ELMOD1: variants seen among roughly 807,000 people sequenced by gnomAD.
ELMOD1 encodes the protein ELMO domain containing 1.
A neutral mutation model predicts 46.7 loss-of-function variants in ELMOD1; 21 were observed. The ratio of observed to expected loss-of-function variants is 0.45; its 90% CI spans 0.32 to 0.65. ELMOD1 has a LOEUF of 0.65. Ranked by LOEUF, ELMOD1 falls within the 30% of genes least tolerant of loss-of-function variation. The probability of loss-of-function intolerance (pLI) is 0.04; values close to 1 mark genes in which losing one functional copy is unlikely to be tolerated. For missense variants in ELMOD1, 348 were observed against 407.8 expected (o/e 0.85, Z 1.26); for synonymous variants, 122 against 138.2 (o/e 0.88, Z 0.82).
chr11:107,628,859 T>C (rs1866089426), intron 2 of ELMOD1, among the ~76,000 whole-genome samples: 1 of 152,040 alleles, frequency 6.6e-6, no homozygotes, highest in Non-Finnish European at 1.5e-5. Flanking sequence ...CCAATCAATA[T>C]CACTGTTAAC....
Position 107,654,196 on chromosome 11 carries a change from G to T in ELMOD1, c.672G>T (p.Glu224Asp). The change falls in exon 10 of 12, where the codon GAG (glutamate) becomes GAT (aspartate). Residue 224 changes from glutamate to aspartate, a missense_variant. Transcript: ENST00000265840. ...GCAAATTCAGCAAAGCAGAATGGGA[G>T]AAGAAAAGGATGGATAAGGCAATTG... ...EISKFSKAEW[E>D]KKRMDKAIGY... 6.3e-7 allele frequency: 1 copy of T among 1,590,944 alleles called. No individual in the cohort carries two copies. Among genetic ancestry groups the T allele is most frequent in the East Asian group, 2.3e-5 (1 of 44,240 alleles).
chr11:107,614,236 C>T (rs910716638), intron 1 of ELMOD1, among the ~76,000 whole-genome samples: 1 of 152,162 alleles, frequency 6.6e-6, no homozygotes, highest in Non-Finnish European at 1.5e-5. Context: ...AATATCTTTG[C>T]CTGGGTTATT....
At chr11:107,600,594 G>A (rs1428069469) in intron 1 of ELMOD1, 2 of 152,460 alleles carry the variant, frequency 1.3e-5, no homozygotes, top group Non-Finnish European at 2.9e-5. Context: ...ATTATTTTTG[G>A]TCCTAAACGA....
chr11:107,592,362 T>C, intron 1 of ELMOD1: 1 of 534,372 alleles, frequency 1.9e-6, no homozygotes. Context: ...AGATTGGTAC[T>C]ATCAATTGAG....
At chr11:107,625,258 G>A (rs912830235) in intron 2 of ELMOD1, 2 of 365,058 alleles carry the variant, frequency 5.5e-6, no homozygotes, top group African/African-American at 4.4e-5. Context: ...GATCTGTCGG[G>A]GACATTGAGC....
intron 2 of ELMOD1, among the ~76,000 whole-genome samples, chr11:107,618,629 T>C (rs1015714187): frequency 5.3e-5 from 8 of 152,232 alleles, no homozygotes; most frequent in African/African-American, 1.9e-4. Flanking sequence ...CCAATCCATA[T>C]GGGCATTTTA....
intron 7 of ELMOD1, among the ~76,000 whole-genome samples, chr11:107,648,622 G>A (rs1431426922): frequency 1.3e-5 from 2 of 152,126 alleles, no homozygotes; most frequent in Non-Finnish European, 2.9e-5. Context: ...TTGTTAGCTG[G>A]AATTTTTAAA....
intron 1 of ELMOD1, among the ~76,000 whole-genome samples, chr11:107,604,230 A>C (rs1865650718): frequency 6.6e-6 from 1 of 152,202 alleles, no homozygotes. Context: ...CATACACTGG[A>C]GGGACTGTGA....
intron 11 of ELMOD1, among the ~76,000 whole-genome samples, chr11:107,662,322 T>A (rs1050684348): frequency 2.2e-4 from 34 of 152,152 alleles, no homozygotes; most frequent in Non-Finnish European, 3.7e-4. Context: ...TCTAAAAAGT[T>A]TTTTGTGGGC....
intron 11 of ELMOD1, among the ~76,000 whole-genome samples, chr11:107,661,425 T>C (rs552605267): frequency 9.9e-5 from 15 of 152,232 alleles, no homozygotes; most frequent in Non-Finnish European, 2.9e-5. Context: ...CATTAAAAGA[T>C]GATTTTTCAT....
chr11:107,635,614 C>T (rs1195779243), intron 5 of ELMOD1, 22 bp from the exon 6 acceptor site: 1 of 1,605,708 alleles, frequency 6.2e-7, no homozygotes, highest in South Asian at 1.1e-5. Flanking sequence ...TTGTGTGTCT[C>T]TTCTGTTTTT....
chr11:107,628,660 C>T (rs1297933543), intron 2 of ELMOD1, among the ~76,000 whole-genome samples: 2 of 151,534 alleles, frequency 1.3e-5, no homozygotes, highest in African/African-American at 2.4e-5. Flanking sequence ...TGTCTTTCCG[C>T]AGAATCTGGT....
chr11:107,628,796 A>G (rs1452703737), intron 2 of ELMOD1, among the ~76,000 whole-genome samples: 1 of 151,754 alleles, frequency 6.6e-6, no homozygotes, highest in African/African-American at 2.4e-5. Context: ...CATATTTATT[A>G]TAAAAATGTA....
At chr11:107,602,886 A>G (rs996835539) in intron 1 of ELMOD1, among the ~76,000 whole-genome samples, 6 of 152,048 alleles carry the variant, frequency 3.9e-5, no homozygotes, top group Admixed American at 2.6e-4. Context: ...CTTTCACAGT[A>G]GTCCAGTTGG....
chr11:107,637,948 T>C (rs565088929), intron 6 of ELMOD1, among the ~76,000 whole-genome samples: 2 of 152,162 alleles, frequency 1.3e-5, no homozygotes, highest in Admixed American at 6.5e-5. Context: ...CTTCAGGCTA[T>C]GTCCTATAGT....
chr11:107,632,691 A>T (rs2135690692), intron 5 of ELMOD1, among the ~76,000 whole-genome samples: 1 of 152,310 alleles, frequency 6.6e-6, no homozygotes, highest in Middle Eastern at 3.4e-3. Context: ...GAAGGTGATA[A>T]GAAGGCAGTT....
intron 1 of ELMOD1, among the ~76,000 whole-genome samples, chr11:107,597,470 A>G (rs1438930601): frequency 1.3e-5 from 2 of 152,226 alleles, no homozygotes; most frequent in African/African-American, 2.4e-5. Flanking sequence ...AACAAAAAAT[A>G]TAACATACTG....
At chr11:107,635,834 C>G in intron 6 of ELMOD1, 69 bp downstream of exon 6, 1 of 1,502,642 alleles carries the variant, frequency 6.7e-7, no homozygotes, top group Non-Finnish European at 9.0e-7. Context: ...CTGCTATGTG[C>G]TAGGCGCTGC....
At chr11:107,592,000 A>C in intron 1 of ELMOD1, 1 of 513,712 alleles carries the variant, frequency 1.9e-6, no homozygotes, top group Non-Finnish European at 4.0e-6. Flanking sequence ...TTTCCCGGGC[A>C]GGTAGAATTG....
Sources: allele counts gnomAD v4.1 joint callset (sites outside exome capture counted in the v4.1 genomes callset), GRCh38; gene constraint gnomAD v4.1.1; transcripts MANE v1.5; gene names NCBI Gene and HGNC (gene_info 2026-07-23, HGNC 2026-07-21).